NRSN1: variants seen among roughly 807,000 people sequenced by gnomAD.
The protein encoded by NRSN1 is neurensin 1, also known as neurensin-1.
In NRSN1, 14 loss-of-function variants were observed where a neutral mutation model predicts 17.3. The observed-to-expected ratio is 0.81, with a 90% CI of 0.54 to 1.27. The LOEUF (loss-of-function observed/expected upper bound fraction) is 1.27, where lower values mean the gene tolerates loss of function less well. NRSN1 is among the 50% of genes most tolerant of loss of function. The probability of loss-of-function intolerance (pLI) is 0.00; values close to 1 mark genes in which losing one functional copy is unlikely to be tolerated. For missense variants in NRSN1, 209 were observed against 235.9 expected, an observed-to-expected ratio of 0.89 and a Z score of 0.75; for synonymous variants, 79 against 94.2, an observed-to-expected ratio of 0.84 and a Z score of 0.93.
At chr6:24,140,182 C>T (rs1760180118) in intron 3 of NRSN1, among the ~76,000 whole-genome samples, 1 of 152,120 alleles carries the variant, frequency 6.6e-6, no homozygotes, top group Non-Finnish European at 1.5e-5. Context: ...CTCGGAGAAG[C>T]AGGTTTAAGG....
chr6:24,132,040 A>T (rs1760041400), intron 2 of NRSN1, among the ~76,000 whole-genome samples: 1 of 152,160 alleles, frequency 6.6e-6, no homozygotes, highest in Admixed American at 6.5e-5. Context: ...CCTGAAACAG[A>T]AAAAAGCACA....
At chr6:24,142,701 G>T (rs4449614) in intron 3 of NRSN1, among the ~76,000 whole-genome samples, 1 of 151,954 alleles carries the variant, frequency 6.6e-6, no homozygotes. Context: ...GGTTCCTCCC[G>T]GTGGATTTCT....
chr6:24,133,605 G>A (rs1760070087), intron 2 of NRSN1, among the ~76,000 whole-genome samples: 1 of 152,156 alleles, frequency 6.6e-6, no homozygotes, highest in Non-Finnish European at 1.5e-5. Flanking sequence ...TAAGTGCAAA[G>A]ACAACTAGAT....
chr6:24,128,257 A>G (rs1483379055), intron 2 of NRSN1, 57 bp downstream of exon 2: 2 of 151,380 alleles, frequency 1.3e-5, no homozygotes, highest in Admixed American at 6.6e-5. Flanking sequence ...ATGCATGTAG[A>G]TAAAGAAGAG....
intron 3 of NRSN1, among the ~76,000 whole-genome samples, chr6:24,139,477 C>T (rs1056396766): frequency 6.6e-6 from 1 of 152,196 alleles, no homozygotes; most frequent in African/African-American, 2.4e-5. Context: ...ACCACTATGA[C>T]TGTGAGGAAC....
Position 24,146,170 on chromosome 6 carries a change from C to T in NRSN1, c.*224C>T. 2.8e-6 allele frequency: 2 copies of T among 706,572 alleles called. No individual in the cohort carries two copies. The highest frequency in any genetic ancestry group is 3.0e-5 in the South Asian group (2 of 66,754). 43.8% of individuals were successfully genotyped at this position (706,572 alleles called of 1,614,324 possible). ...TGCATCCAGCTGCTTAAGATGGGTG[C>T]TTCCTTGTACCCGGCCACCAGAAAA... On this transcript the variant is annotated 3_prime_UTR_variant, in exon 4 of 4. Transcript: ENST00000378491.
intron 1 of NRSN1, 32 bp downstream of exon 1, chr6:24,126,372 C>A (rs1034763745): frequency 1.3e-5 from 2 of 156,356 alleles, no homozygotes; most frequent in African/African-American, 4.8e-5. Context: ...CCAGGGGTGG[C>A]GGCTTTCTAT....
chr6:24,139,925 A>C (rs190107479), intron 3 of NRSN1, among the ~76,000 whole-genome samples: 99 of 152,276 alleles, frequency 6.5e-4, no homozygotes, highest in African/African-American at 2.2e-3. Flanking sequence ...CCTGTCTCTA[A>C]AAAAGGTGGG....
At chr6:24,141,086 T>C in intron 3 of NRSN1, 1 of 1,413,558 alleles carries the variant, frequency 7.1e-7, no homozygotes, top group Non-Finnish European at 9.3e-7. Context: ...CCCAGGTTGC[T>C]CTGCTGAGCC....
intron 2 of NRSN1, among the ~76,000 whole-genome samples, chr6:24,129,980 A>G (rs574614747): frequency 1.3e-5 from 2 of 152,208 alleles, no homozygotes; most frequent in Admixed American, 6.5e-5. Context: ...ACTAATGTGG[A>G]TTGAATTAAA....
chr6:24,129,612 A>G (rs1409624848), intron 2 of NRSN1: 1 of 152,204 alleles, frequency 6.6e-6, no homozygotes, highest in Non-Finnish European at 1.5e-5. Context: ...ATATTTAGAT[A>G]TATTGATTAT....
intron 2 of NRSN1, among the ~76,000 whole-genome samples, chr6:24,130,895 C>G (rs1760018254): frequency 6.6e-6 from 1 of 152,172 alleles, no homozygotes; most frequent in Non-Finnish European, 1.5e-5. Context: ...TGGTCCAACC[C>G]TCTTACTTTA....
chr6:24,144,324 A>G (rs921318677), intron 3 of NRSN1, among the ~76,000 whole-genome samples: 1 of 152,222 alleles, frequency 6.6e-6, no homozygotes, highest in Non-Finnish European at 1.5e-5. Flanking sequence ...GAGTAGTTAC[A>G]AAGACTGTCC....
At chr6:24,128,094 G>A (rs1396143214) in intron 1 of NRSN1, 34 bp from the exon 2 acceptor site, 2 of 152,080 alleles carry the variant, frequency 1.3e-5, no homozygotes. Context: ...TTTTGATCTG[G>A]ATTACATTCT....
chr6:24,143,115 A>T (rs1431945773), intron 3 of NRSN1, among the ~76,000 whole-genome samples: 1 of 152,178 alleles, frequency 6.6e-6, no homozygotes, highest in African/African-American at 2.4e-5. Context: ...TTAGCTAGAC[A>T]CAGAGCACTG....
intron 3 of NRSN1, chr6:24,141,391 A>C: frequency 2.2e-6 from 1 of 450,500 alleles, no homozygotes. Flanking sequence ...TATGCTACTC[A>C]TGAGACTCCT....
chr6:24,143,555 T>C (rs1437162816), intron 3 of NRSN1, among the ~76,000 whole-genome samples: 1 of 152,194 alleles, frequency 6.6e-6, no homozygotes, highest in Admixed American at 6.5e-5. Context: ...ATATTAAAGA[T>C]TAATTTATGT....
chr6:24,142,573 C>G (rs1760227396), intron 3 of NRSN1, among the ~76,000 whole-genome samples: 1 of 152,116 alleles, frequency 6.6e-6, no homozygotes, highest in Non-Finnish European at 1.5e-5. Flanking sequence ...GATTCTCCTG[C>G]CTCAGACTCC....
chr6:24,139,965 T>G (rs1379472253), intron 3 of NRSN1, among the ~76,000 whole-genome samples: 1 of 152,038 alleles, frequency 6.6e-6, no homozygotes, highest in Non-Finnish European at 1.5e-5. Flanking sequence ...ATACTAATAA[T>G]TTACAAAGAA....
Sources: allele counts gnomAD v4.1 joint callset (sites outside exome capture counted in the v4.1 genomes callset), GRCh38; gene constraint gnomAD v4.1.1; transcripts MANE v1.5; gene names NCBI Gene and HGNC (gene_info 2026-07-23, HGNC 2026-07-21).